MPRIP: variants seen among roughly 807,000 people sequenced by gnomAD.
MPRIP encodes the protein myosin phosphatase Rho interacting protein, also known as myosin phosphatase Rho-interacting protein.
A neutral mutation model predicts 234.9 loss-of-function variants in MPRIP; 59 were observed. That is an observed-to-expected ratio of 0.25 (90% confidence interval 0.20 to 0.31). The LOEUF (loss-of-function observed/expected upper bound fraction) is 0.31, where lower values mean the gene tolerates loss of function less well. MPRIP is among the 10% of genes least tolerant of loss of function. The pLI is 1.00. For missense variants in MPRIP, 2,436 were observed against 3,071.0 expected (o/e 0.79, Z 4.89); for synonymous variants, 1,144 against 1,263.9 (o/e 0.91, Z 2.01).
chr17:17,127,922 T>G (rs926510939), intron 4 of MPRIP, among the ~76,000 whole-genome samples: 2 of 152,196 alleles, frequency 1.3e-5, no homozygotes, highest in Non-Finnish European at 2.9e-5. Flanking sequence ...GGGGGCGCTC[T>G]CTGCGGGGGT....
At chr17:17,066,099 G>C (rs2089016770) in intron 1 of MPRIP, among the ~76,000 whole-genome samples, 1 of 152,048 alleles carries the variant, frequency 6.6e-6, no homozygotes, top group Non-Finnish European at 1.5e-5. Context: ...ATTTTATTTT[G>C]TCAGTTTTGA....
chr17:17,154,505 A>C (rs2045684897), intron 13 of MPRIP, 90 bp downstream of exon 13: 1 of 1,070,940 alleles, frequency 9.3e-7, no homozygotes, highest in Non-Finnish European at 1.4e-6. Context: ...CTGAAGTCTG[A>C]GACCTGAGCT....
chr17:17,143,123 G>A (rs188718843), intron 8 of MPRIP, among the ~76,000 whole-genome samples: 75 of 152,268 alleles, frequency 4.9e-4, no homozygotes, highest in African/African-American at 1.5e-3. Flanking sequence ...AGGTAGACTC[G>A]GCTTCTGAAA....
In MPRIP at chr17:17,092,102, G is replaced by A. The variant is rs1439809508; in HGVS notation, c.267+14026G>A. On this transcript the variant is annotated intron_variant, in intron 3 of 23. Coordinates refer to ENST00000651222, the MANE Select transcript of MPRIP (RefSeq NM_001364716.4). The stretch of plus-strand genomic sequence containing the variant: ...GGGCCCTGCCTGGCTTGCTTTGTTT[G>A]ACTGCCTGTACCATCTTGTCGCTTC... Among the ~76,000 whole-genome samples the A allele has an allele frequency of 1.6e-4, 25 of 152,240 alleles. 1 individual carries two copies. Among genetic ancestry groups the A allele is most frequent in the Admixed American group, 1.4e-3 (22 of 15,288 alleles).
At chr17:17,143,222 G>A (rs1040984436) in intron 8 of MPRIP, among the ~76,000 whole-genome samples, 13 of 152,214 alleles carry the variant, frequency 8.5e-5, no homozygotes, top group African/African-American at 3.1e-4. Context: ...AAGGTGCCTA[G>A]TGCCTACTGT....
rs763600380 is a variant in MPRIP, at chr17:17,185,504, A to G, written c.*610A>G. On this transcript the variant is annotated 3_prime_UTR_variant, in exon 24 of 24. Transcript: ENST00000651222. ...GTGGCAAACCTTTCACAACCTGGAA[A>G]ATGTTGAAAGCAACCATTCCTATTT... The G allele has an allele frequency of 4.4e-6, 2 of 457,334 alleles. No individual in the cohort carries two copies. The highest frequency in any genetic ancestry group is 8.8e-6 in the Non-Finnish European group (2 of 227,108). The allele number at this position is 457,334 out of a possible 1,614,324, so 28.3% of individuals were successfully genotyped here. A position where few individuals can be genotyped will look rare whatever the true frequency, so the allele number is the denominator to read the frequency against.
rs2046444492 is a variant in MPRIP, at chr17:17,184,848, A to G, written c.7232A>G (p.Gln2411Arg). ...AGTCTGAAGGAAGGCCTGACGGTGC[A>G]AGAACGGTTGAAGCTCTTTGAATCC... ...SKSLKEGLTV[Q>R]ERLKLFESRD... is the part of the protein sequence containing the mutation. Residue 2411 changes from glutamine (Q) to arginine (R), a missense_variant, in exon 24 of 24, where the codon CAA becomes CGA. By Grantham distance (43) the Gln-to-Arg change is conservative. Coordinates refer to ENST00000651222, the MANE Select transcript of MPRIP (RefSeq NM_001364716.4). The G allele has an allele frequency of 1.9e-6, 3 of 1,613,092 alleles. No homozygotes were observed. The highest frequency in any genetic ancestry group is 1.3e-5 in the African/African-American group (1 of 74,866).
chr17:17,057,736 G>T, intron 1 of MPRIP: 1 of 716,790 alleles, frequency 1.4e-6, no homozygotes, highest in South Asian at 1.5e-5. Flanking sequence ...TCAGCTATGA[G>T]ACCACCCTGA....
intron 3 of MPRIP, among the ~76,000 whole-genome samples, chr17:17,086,727 G>T (rs1184907847): frequency 6.6e-6 from 1 of 152,242 alleles, no homozygotes; most frequent in Non-Finnish European, 1.5e-5. Context: ...GAAGCTCAGA[G>T]CTGTTTGCTG....
intron 9 of MPRIP, among the ~76,000 whole-genome samples, chr17:17,144,308 G>A (rs2045408933): frequency 1.3e-5 from 2 of 152,226 alleles, no homozygotes; most frequent in Non-Finnish European, 2.9e-5. Context: ...AGGGCTTGGG[G>A]GCTGCCAACC....
At chr17:17,176,998 C>T (rs1027393378) in intron 21 of MPRIP, among the ~76,000 whole-genome samples, 6 of 152,228 alleles carry the variant, frequency 3.9e-5, no homozygotes, top group Admixed American at 1.3e-4. Flanking sequence ...CGGGCAATCC[C>T]GGAACTGCCT....
At position 17,137,870 on chromosome 17, in the gene MPRIP, T is replaced by C; in HGVS notation, c.737-46T>C. On this transcript the variant is annotated intron_variant, in intron 6 of 23. Coordinates refer to ENST00000651222, the MANE Select transcript of MPRIP (RefSeq NM_001364716.4). ...AAAAAAAAAGTCCTCAAAGCAAAGC[T>C]GCCAGCAGGCTGAGTGCGTCTCCTC... 4 of 1,506,178 alleles carry C rather than the reference T, an allele frequency of 2.7e-6. No individual in the cohort carries two copies. In the South Asian group the frequency reaches 5.2e-5, roughly 20 times the overall value. The allele number at this position is 1,506,178 out of a possible 1,614,324, so 93.3% of individuals were successfully genotyped here.
At chr17:17,177,449 G>A in intron 22 of MPRIP, 37 bp downstream of exon 22, 2 of 1,595,484 alleles carry the variant, frequency 1.3e-6, no homozygotes, top group Non-Finnish European at 8.6e-7. Flanking sequence ...GTTATTGCTG[G>A]GGGGCTTATG....
chr17:17,137,837 G>A (rs1367573401), intron 6 of MPRIP, 79 bp from the exon 7 acceptor site: 1 of 1,360,808 alleles, frequency 7.3e-7, no homozygotes, highest in African/African-American at 1.5e-5. Context: ...GATCCTACAT[G>A]GGCTTTAAAA....
intron 3 of MPRIP, among the ~76,000 whole-genome samples, chr17:17,096,217 CCT>C (rs1025148394): frequency 9.4e-5 from 14 of 148,196 alleles, no homozygotes; most frequent in Admixed American, 2.7e-4. Context: ...CACACTGTCC[CCT>C]GTGTGGGTCA....
intron 1 of MPRIP, among the ~76,000 whole-genome samples, chr17:17,056,089 G>T (rs528720170): frequency 1.7e-4 from 26 of 152,354 alleles, no homozygotes; most frequent in Admixed American, 3.9e-4. Flanking sequence ...GTCTGGCTGT[G>T]TGTGGCCCCC....
rs1473632697 is a variant in MPRIP, at chr17:17,190,512, A to AT, written c.*5619dup. On this transcript the variant is annotated 3_prime_UTR_variant, in exon 24 of 24. Transcript: ENST00000651222. ...AGGCTCTTTAAAAGGAAAGCCTGGC[A>AT]TAAACCCAGCATGGAAAGGAACATT... The AT allele has an allele frequency of 6.6e-6, 1 of 152,298 alleles. No homozygotes were observed. Among genetic ancestry groups the AT allele is most frequent in the Non-Finnish European group, 1.5e-5 (1 of 68,060 alleles). 9.4% of individuals were successfully genotyped at this position (152,298 alleles called of 1,614,324 possible).
At position 17,164,542 on chromosome 17, in the gene MPRIP, G is replaced by T. The variant is rs1420539519; in HGVS notation, c.2951G>T (p.Arg984Leu). Residue 984 changes from arginine to leucine, a missense_variant, in exon 16 of 24, where the codon CGG becomes CTG. Transcript: ENST00000651222. ...CTGGAGACACAGCAGGCGCTGCAGC[G>T]GGACCGGCAGAAGGAGGTCCAGAGG... is the stretch of plus-strand genomic sequence containing the variant. ...RGLETQQALQ[R>L]DRQKEVQRLQ... 1.7e-6 allele frequency: 2 copies of T among 1,208,754 alleles called. No homozygotes were observed. The highest frequency in any genetic ancestry group is 2.1e-6 in the Non-Finnish European group (2 of 946,744). The allele number at this position is 1,208,754 out of a possible 1,614,324, so 74.9% of individuals were successfully genotyped here. A position where few individuals can be genotyped will look rare whatever the true frequency, so the allele number is the denominator to read the frequency against.
chr17:17,114,953 T>C (rs1264107810), intron 3 of MPRIP, among the ~76,000 whole-genome samples: 2 of 152,254 alleles, frequency 1.3e-5, no homozygotes, highest in African/African-American at 4.8e-5. Context: ...AAAAGTAGTT[T>C]AGTGGTTCTA....
Sources: allele counts gnomAD v4.1 joint callset (sites outside exome capture counted in the v4.1 genomes callset), GRCh38; gene constraint gnomAD v4.1.1; transcripts MANE v1.5; gene names NCBI Gene and HGNC (gene_info 2026-07-23, HGNC 2026-07-21).